The following PLCXD1 variants were observed in gnomAD, a reference collection of about 807,000 sequenced individuals.
PLCXD1 encodes phosphatidylinositol specific phospholipase C X domain containing 1.
PLCXD1 carries 45 observed loss-of-function variants against 37.8 expected under a neutral mutation model. The observed-to-expected ratio is 1.19, with a 90% CI of 0.94 to 1.53. PLCXD1 has a LOEUF of 1.53. Ranked by LOEUF, PLCXD1 falls within the 40% of genes most tolerant of loss-of-function variation. The pLI is 0.00. For missense variants in PLCXD1, 539 were observed against 454.7 expected (o/e 1.19, Z -1.69); for synonymous variants, 246 against 206.9 (o/e 1.19, Z -1.62).
At position 294,592 on chromosome X, in the gene PLCXD1, T is replaced by A. The variant is rs777606085; in HGVS notation, c.733+1374T>A. Among the ~76,000 whole-genome samples the A allele has an allele frequency of 4.6e-5, 7 of 151,466 alleles. No individual in the cohort carries two copies. In the South Asian group the frequency reaches 1.3e-3, roughly 27 times the overall value. On this transcript the variant is annotated intron_variant, in intron 6 of 6. Transcript: ENST00000381657. Reference sequence around the variant, plus strand: ...TTGCTGTGATCCATGGTCGCGCCACTGCACTCCAGCCTGGGCGACAGGAGC... The same window carrying A: ...TTGCTGTGATCCATGGTCGCGCCACAGCACTCCAGCCTGGGCGACAGGAGC...
chrX:297,813 T>C (rs866212429), intron 6 of PLCXD1, among the ~76,000 whole-genome samples: 3 of 41,334 alleles, frequency 7.3e-5, no homozygotes, highest in South Asian at 8.5e-4. Flanking sequence ...ATTCTGTCTA[T>C]CACATGGGGA....
At chrX:282,537 T>C (rs191152578) in intron 1 of PLCXD1, among the ~76,000 whole-genome samples, 19 of 149,738 alleles carry the variant, frequency 1.3e-4, no homozygotes, top group Admixed American at 1.1e-3. Flanking sequence ...AAACCCCGTC[T>C]CTACCAAAAA....
chrX:286,516 C>T (rs992004454), intron 2 of PLCXD1, among the ~76,000 whole-genome samples: 3 of 152,020 alleles, frequency 2.0e-5, no homozygotes, highest in East Asian at 1.9e-4. Flanking sequence ...CCGGGAGCTT[C>T]GGCAGACTCA....
chrX:295,404 C>T (rs767873802), intron 6 of PLCXD1, among the ~76,000 whole-genome samples: 27 of 152,134 alleles, frequency 1.8e-4, no homozygotes, highest in Admixed American at 1.0e-3. Context: ...TCTTCACGGC[C>T]GCGAGGGCTG....
At position 297,021 on chromosome X, in the gene PLCXD1, C is replaced by T. The variant is rs28416343; in HGVS notation, c.734-2076C>T. Among the ~76,000 whole-genome samples the T allele has an allele frequency of 2.8e-3, 106 of 37,740 alleles. 1 individual carries two copies. Among genetic ancestry groups the T allele is most frequent in the African/African-American group, 5.3e-3 (22 of 4,120 alleles). The allele number at this position is 37,740 out of a possible 152,430, so 24.8% of individuals were successfully genotyped here. Reference sequence around the variant, plus strand: ...ACGTGGACATCTTTGGGGACATTATCCTGTCTATCACATGGGGATTAGGAC... The same window carrying T: ...ACGTGGACATCTTTGGGGACATTATTCTGTCTATCACATGGGGATTAGGAC... On this transcript the variant is annotated intron_variant, in intron 6 of 6. Transcript: ENST00000381657.
intron 2 of PLCXD1, among the ~76,000 whole-genome samples, chrX:284,610 A>ACACACG (rs1429732986): frequency 5.8e-5 from 2 of 34,584 alleles, no homozygotes; most frequent in African/African-American, 1.1e-4. Flanking sequence ...GCACACACGC[A>ACACACG]CACATGCACA....
At chrX:288,553 C>T (rs1274854953) in intron 2 of PLCXD1, among the ~76,000 whole-genome samples, 180 bp from the exon 3 acceptor site, 6 of 152,102 alleles carry the variant, frequency 3.9e-5, no homozygotes, top group East Asian at 3.8e-4. Flanking sequence ...CAACACGGGT[C>T]GTGTTCCCAG....
At chrX:282,877 G>A (rs1426335446) in intron 1 of PLCXD1, among the ~76,000 whole-genome samples, 4 of 137,138 alleles carry the variant, frequency 2.9e-5, no homozygotes, top group African/African-American at 1.0e-4. Context: ...ATGTATATAT[G>A]TTATGTATGT....
chrX:289,337 C>T (rs190007335), intron 3 of PLCXD1, among the ~76,000 whole-genome samples: 44 of 151,228 alleles, frequency 2.9e-4, no homozygotes, highest in East Asian at 1.4e-3. Context: ...TCTGCCCGCC[C>T]CAGCCTCCGA....
intron 4 of PLCXD1, among the ~76,000 whole-genome samples, chrX:291,138 TC>T (rs1442227939): frequency 1.3e-5 from 2 of 150,440 alleles, no homozygotes; most frequent in Non-Finnish European, 2.9e-5. Context: ...TACGGAGATT[TC>T]TTTTTTTTTT....
intron 2 of PLCXD1, among the ~76,000 whole-genome samples, chrX:288,436 TCTC>T (rs982865434): frequency 6.6e-6 from 1 of 152,110 alleles, no homozygotes; most frequent in Non-Finnish European, 1.5e-5. Context: ...TCTGTGTCTG[TCTC>T]CTCCTCTTGT....
intron 6 of PLCXD1, among the ~76,000 whole-genome samples, chrX:294,489 A>G (rs2069743109): frequency 6.6e-6 from 1 of 151,334 alleles, no homozygotes; most frequent in African/African-American, 2.4e-5. Flanking sequence ...CTCAAAAAAA[A>G]AAAAAAAATA....
chrX:287,440 T>C (rs901034544), intron 2 of PLCXD1, among the ~76,000 whole-genome samples: 2 of 137,300 alleles, frequency 1.5e-5, no homozygotes, highest in Non-Finnish European at 3.1e-5. Flanking sequence ...TAGATATATA[T>C]ACACTATATA....
In PLCXD1 at chrX:302,290, G is replaced by A. The variant is rs907529376; in HGVS notation, c.*2955G>A. The A allele has an allele frequency of 4.6e-5, 7 of 151,882 alleles. No homozygotes were observed. Among genetic ancestry groups the A allele is most frequent in the South Asian group, 2.1e-4 (1 of 4,758 alleles). 9.4% of individuals were successfully genotyped at this position (151,882 alleles called of 1,614,324 possible). ...GGGAGACCCCCCCCCCACGGAAGGC[G>A]CCCCCAGTCCGTGTGGGAGACTCGC... On this transcript the variant is annotated 3_prime_UTR_variant, in exon 7 of 7. Coordinates refer to ENST00000381657, the MANE Select transcript of PLCXD1 (RefSeq NM_018390.4).
At position 284,295 on chromosome X, in the gene PLCXD1, C is replaced by A; in HGVS notation, c.108C>A (p.Leu36=). 4 of 1,613,366 alleles carry A rather than the reference C, an allele frequency of 2.5e-6. No homozygotes were observed. Among genetic ancestry groups the A allele is most frequent in the South Asian group, 1.1e-5 (1 of 91,040 alleles). The change falls in exon 2 of 7, where the codon CTC becomes CTA. Residue 36 remains leucine (L), a synonymous_variant. Transcript: ENST00000381657. ...ALCPRLWDVP[L]HHLSIPGSHD... ...GTCCCCGGCTCTGGGATGTGCCCCT[C>A]CACCACCTCTCCATCCCAGGTGAGG...
At chrX:296,730 C>CT (rs1309998504) in intron 6 of PLCXD1, among the ~76,000 whole-genome samples, 1 of 152,188 alleles carries the variant, frequency 6.6e-6, no homozygotes, top group Non-Finnish European at 1.5e-5. Flanking sequence ...TTCTTCCTGT[C>CT]TATCACATGG....
At chrX:284,795 A>T (rs1372006449) in intron 2 of PLCXD1, among the ~76,000 whole-genome samples, 1 of 152,170 alleles carries the variant, frequency 6.6e-6, no homozygotes, top group East Asian at 1.9e-4. Context: ...CTGGCTGGGG[A>T]GGCCTCACAA....
At chrX:290,609 G>T (rs184320394) in intron 3 of PLCXD1, 39 bp from the exon 4 acceptor site, 1 of 1,610,502 alleles carries the variant, frequency 6.2e-7, no homozygotes. Flanking sequence ...CAGACGCGGC[G>T]CTCAGCCAGG....
In PLCXD1 at chrX:291,533, G is replaced by A. The variant is rs147740131; in HGVS notation, c.428G>A (p.Arg143Gln). 7.3e-5 allele frequency: 117 copies of A among 1,612,812 alleles called. No individual in the cohort carries two copies. Among genetic ancestry groups the A allele is most frequent in the Admixed American group, 5.7e-4 (34 of 60,004 alleles). Reference sequence around the variant, plus strand: ...ACGGAAATCTCGGAGTGGCTGGAGCGGCATCCACGCGAGGTGGTCATCCTG... The same window carrying A: ...ACGGAAATCTCGGAGTGGCTGGAGCAGCATCCACGCGAGGTGGTCATCCTG... ...TLTEISEWLE[R>Q]HPREVVILAC... Residue 143 changes from arginine to glutamine, a missense_variant, in exon 5 of 7, where the codon CGG (arginine) becomes CAG (glutamine). Physicochemically the swap from Arg to Gln is conservative, Grantham distance 43. Coordinates refer to ENST00000381657, the MANE Select transcript of PLCXD1 (RefSeq NM_018390.4).
Sources: gnomAD v4.1 joint callset for allele counts (sites outside exome capture counted in the v4.1 genomes callset) on GRCh38, gnomAD v4.1.1 for gene constraint, MANE v1.5 for transcripts, NCBI Gene and HGNC (gene_info 2026-07-23, HGNC 2026-07-21) for gene names.